Variants in SNX25 observed in about 807,000 individuals in gnomAD.
The protein encoded by SNX25 is sorting nexin 25, also known as sorting nexin-25.
A neutral mutation model predicts 113.7 loss-of-function variants in SNX25; 62 were observed. The ratio of observed to expected loss-of-function variants is 0.55; its 90% CI spans 0.44 to 0.67. SNX25 has a LOEUF of 0.67. SNX25 is among the 30% of genes least tolerant of loss of function. The probability of loss-of-function intolerance (pLI) is 0.00; values close to 1 mark genes in which losing one functional copy is unlikely to be tolerated. For synonymous variants in SNX25, 421 were observed against 436.2 expected, an observed-to-expected ratio of 0.97 and a Z score of 0.43; for missense variants, 1,014 against 1,161.0, an observed-to-expected ratio of 0.87 and a Z score of 1.84.
chr4:185,313,414 G>A (rs865916945), intron 7 of SNX25, among the ~76,000 whole-genome samples: 7 of 152,134 alleles, frequency 4.6e-5, no homozygotes, highest in South Asian at 4.1e-4. Flanking sequence ...GAGTGTACAT[G>A]AAGCGAAACC....
intron 9 of SNX25, among the ~76,000 whole-genome samples, chr4:185,330,130 T>A (rs1464325898): frequency 1.3e-5 from 2 of 152,220 alleles, no homozygotes; most frequent in Non-Finnish European, 2.9e-5. Context: ...AGGAAAACTC[T>A]CTCTCTTGCA....
At chr4:185,342,436 T>A (rs527248175) in intron 12 of SNX25, among the ~76,000 whole-genome samples, 1 of 152,296 alleles carries the variant, frequency 6.6e-6, no homozygotes, top group Non-Finnish European at 1.5e-5. Context: ...CAGTTGTGAG[T>A]TGCAGCAGTA....
At chr4:185,309,075 G>A (rs948500157) in intron 6 of SNX25, among the ~76,000 whole-genome samples, 2 of 152,168 alleles carry the variant, frequency 1.3e-5, no homozygotes, top group African/African-American at 4.8e-5. Context: ...GGCTTGACTG[G>A]GGTGGGACGG....
intron 1 of SNX25, among the ~76,000 whole-genome samples, chr4:185,237,127 AG>A (rs1742758499): frequency 6.8e-6 from 1 of 146,550 alleles, no homozygotes; most frequent in East Asian, 2.0e-4. Context: ...CTGTATCTAA[AG>A]TAGAAATTGT....
rs946539186 is a variant in SNX25 at position 185,209,805 on chromosome 4, C to T, written c.-22C>T. 97 of 983,748 alleles carry T rather than the reference C, an allele frequency of 9.9e-5. No homozygotes were observed. The highest frequency in any genetic ancestry group is 1.1e-4 in the Non-Finnish European group (92 of 829,364). The allele number at this position is 983,748 out of a possible 1,614,324, so 60.9% of individuals were successfully genotyped here. ...ACCGGGGGGCAGGAGATGTGCCTGT[C>T]CTTAGCGGCCCAGGAAGCAGCATGC... is the stretch of plus-strand genomic sequence containing the variant. On this transcript the variant is annotated 5_prime_UTR_variant, in exon 1 of 19. Coordinates refer to ENST00000652585, the MANE Select transcript of SNX25 (RefSeq NM_001378034.2). This position sits in a 1 kb window ranked among gnomAD's most constrained non-coding sequence, Gnocchi z 5.2.
chr4:185,259,567 C>T (rs1160797036), intron 3 of SNX25, among the ~76,000 whole-genome samples: 1 of 151,984 alleles, frequency 6.6e-6, no homozygotes, highest in African/African-American at 2.4e-5. Flanking sequence ...AGTATTTAGG[C>T]TTGTTAGGCC....
At chr4:185,270,742 G>A (rs1481078641) in intron 5 of SNX25, among the ~76,000 whole-genome samples, 1 of 152,166 alleles carries the variant, frequency 6.6e-6, no homozygotes, top group Non-Finnish European at 1.5e-5. Flanking sequence ...CTATGGATTT[G>A]CCTAGTCTGG....
intron 16 of SNX25, among the ~76,000 whole-genome samples, chr4:185,359,095 A>G (rs1022422441): frequency 1.1e-4 from 17 of 152,224 alleles, no homozygotes; most frequent in African/African-American, 3.6e-4. Flanking sequence ...GCTCATGCCT[A>G]TAATCCCAGC....
intron 1 of SNX25, among the ~76,000 whole-genome samples, chr4:185,216,718 G>A (rs1451684351): frequency 2.0e-5 from 3 of 151,544 alleles, no homozygotes; most frequent in African/African-American, 7.3e-5. Context: ...ATGGGGTTTC[G>A]CCATGTTAGC....
At chr4:185,258,228 G>A (rs1486655886) in intron 2 of SNX25, among the ~76,000 whole-genome samples, 1 of 152,212 alleles carries the variant, frequency 6.6e-6, no homozygotes, top group African/African-American at 2.4e-5. Context: ...CCCATAGGAT[G>A]CCAGCAGAAT....
At position 185,323,639 on chromosome 4, in the gene SNX25, A is replaced by C; in HGVS notation, c.1588A>C (p.Asn530His). 1 of 1,613,744 alleles carries C rather than the reference A, an allele frequency of 6.2e-7. No individual in the cohort carries two copies. Among genetic ancestry groups the C allele is most frequent in the Non-Finnish European group, 8.5e-7 (1 of 1,179,780 alleles). ...YKEIQQCLVG[N>H]KGIEVFYKIQ... The stretch of plus-strand genomic sequence containing the variant: ...AGAAATTCAGCAGTGTCTTGTAGGA[A>C]ATAAAGGTATTGAAGTATTCTACAA... The change falls in exon 9 of 19, where the codon AAT becomes CAT. Residue 530 changes from asparagine (N) to histidine (H), a missense_variant. Transcript: ENST00000652585.
At chr4:185,329,264 A>G (rs1199981597) in intron 9 of SNX25, among the ~76,000 whole-genome samples, 1 of 152,114 alleles carries the variant, frequency 6.6e-6, no homozygotes, top group African/African-American at 2.4e-5. Flanking sequence ...GAAAAACCAA[A>G]CGCTTTGGCT....
intron 9 of SNX25, among the ~76,000 whole-genome samples, chr4:185,329,386 G>T (rs1228773254): frequency 6.6e-6 from 1 of 152,072 alleles, no homozygotes; most frequent in Admixed American, 6.6e-5. Context: ...AGAAGAGGCC[G>T]AGGGTGTCTG....
At chr4:185,356,992 C>T (rs1024751840) in intron 15 of SNX25, among the ~76,000 whole-genome samples, 2 of 152,188 alleles carry the variant, frequency 1.3e-5, no homozygotes, top group East Asian at 3.8e-4. Flanking sequence ...GTCTTTCTCA[C>T]ACACGGGGAA....
At chr4:185,221,547 A>T (rs1185626865) in intron 1 of SNX25, among the ~76,000 whole-genome samples, 10 of 151,952 alleles carry the variant, frequency 6.6e-5, no homozygotes, top group African/African-American at 2.2e-4. Context: ...CACCTAGATG[A>T]CTGTAACAAC....
chr4:185,241,027 C>T lies in SNX25; in HGVS notation c.430-6267C>T, dbSNP rs567523785. 6.6e-3 allele frequency among the ~76,000 whole-genome samples: 985 copies of T among 150,042 alleles called. 10 individuals are homozygous for T. Among genetic ancestry groups the T allele is most frequent in the African/African-American group, 0.023 (936 of 40,960 alleles). On this transcript the variant is annotated intron_variant, in intron 1 of 18. Transcript: ENST00000652585. ...CCAGGCAGAGAGGCTCCTCACATCCCAGACGATGGGCGGCCAGGCAGAGAC... is the reference window on the plus strand; with the variant it reads ...CCAGGCAGAGAGGCTCCTCACATCCTAGACGATGGGCGGCCAGGCAGAGAC...
intron 1 of SNX25, among the ~76,000 whole-genome samples, chr4:185,222,053 T>TA (rs1350500578): frequency 4.0e-5 from 1 of 24,880 alleles, no homozygotes; most frequent in East Asian, 1.8e-3. Context: ...CAGCACCATA[T>TA]ACCCCTCCTT....
At chr4:185,264,760 A>C in intron 4 of SNX25, 150 bp downstream of exon 4, 1 of 823,426 alleles carries the variant, frequency 1.2e-6, no homozygotes, top group South Asian at 2.2e-5. Flanking sequence ...ATTCAGGATA[A>C]ACTTAAATTT....
At chr4:185,316,839 A>G (rs1412333471) in intron 7 of SNX25, among the ~76,000 whole-genome samples, 1 of 152,206 alleles carries the variant, frequency 6.6e-6, no homozygotes, top group African/African-American at 2.4e-5. Flanking sequence ...TGGAGCATGT[A>G]CAGTTAGGAT....
Sources: gnomAD v4.1 joint callset for allele counts (sites outside exome capture counted in the v4.1 genomes callset) on GRCh38, gnomAD v4.1.1 for gene constraint, Gnocchi (gnomAD v3.1) non-coding constraint, MANE v1.5 for transcripts, NCBI Gene and HGNC (gene_info 2026-07-23, HGNC 2026-07-21) for gene names.